SMYD3: variants seen among roughly 807,000 people sequenced by gnomAD.
SMYD3 encodes SET and MYND domain containing 3, also known as histone-lysine N-methyltransferase SMYD3.
In SMYD3, 36 loss-of-function variants were observed where a neutral mutation model predicts 57.7. The observed-to-expected ratio is 0.62, with a 90% CI of 0.48 to 0.82. The LOEUF (loss-of-function observed/expected upper bound fraction) is 0.82, where lower values mean the gene tolerates loss of function less well. SMYD3 is among the 40% of genes least tolerant of loss of function. The pLI is 0.00. For synonymous variants in SMYD3, 211 were observed against 195.0 expected (o/e 1.08, Z -0.68); for missense variants, 515 against 538.8 (o/e 0.96, Z 0.44).
chr1:246,158,841 G>A (rs1240236393), intron 5 of SMYD3, among the ~76,000 whole-genome samples: 2 of 152,126 alleles, frequency 1.3e-5, no homozygotes, highest in Non-Finnish European at 2.9e-5. Context: ...CATTTACTGA[G>A]CACCTGCTTT....
intron 5 of SMYD3, among the ~76,000 whole-genome samples, chr1:246,049,193 C>T (rs758292294): frequency 2.0e-5 from 3 of 146,872 alleles, no homozygotes; most frequent in Non-Finnish European, 4.5e-5. Context: ...AGTATCCTGA[C>T]AATAAACGAC....
chr1:246,319,382 C>T (rs532842746), intron 5 of SMYD3, among the ~76,000 whole-genome samples: 16 of 152,152 alleles, frequency 1.1e-4, no homozygotes, highest in Non-Finnish European at 1.3e-4. Flanking sequence ...TGTGCCTGCT[C>T]GCTTTTAGTG....
chr1:245,844,041 G>A (rs531415258), intron 10 of SMYD3, among the ~76,000 whole-genome samples: 248 of 152,218 alleles, frequency 1.6e-3, no homozygotes, highest in African/African-American at 5.8e-3. Context: ...CTAATTTGCT[G>A]GCATGAAATG....
intron 1 of SMYD3, among the ~76,000 whole-genome samples, chr1:246,370,840 A>G (rs752357945): frequency 3.3e-5 from 5 of 152,230 alleles, no homozygotes; most frequent in Non-Finnish European, 5.9e-5. Context: ...ATGTAGCCAG[A>G]CTACTTGGCT....
chr1:246,367,706 A>G (rs1353129279), intron 1 of SMYD3, among the ~76,000 whole-genome samples: 1 of 152,208 alleles, frequency 6.6e-6, no homozygotes, highest in Non-Finnish European at 1.5e-5. Flanking sequence ...TGCTGAGATT[A>G]CAGGCGTGAG....
At chr1:246,034,107 C>G (rs2059728050) in intron 5 of SMYD3, among the ~76,000 whole-genome samples, 1 of 152,094 alleles carries the variant, frequency 6.6e-6, no homozygotes, top group Non-Finnish European at 1.5e-5. Context: ...TTGGCAATAA[C>G]AGAAGCTCAT....
At chr1:245,944,416 C>T (rs1057015337) in intron 5 of SMYD3, among the ~76,000 whole-genome samples, 2 of 152,124 alleles carry the variant, frequency 1.3e-5, no homozygotes, top group African/African-American at 2.4e-5. Context: ...AATAAAATAC[C>T]TAGGAATACA....
At chr1:246,164,110 C>T (rs867442578) in intron 5 of SMYD3, among the ~76,000 whole-genome samples, 2 of 152,146 alleles carry the variant, frequency 1.3e-5, no homozygotes, top group South Asian at 2.1e-4. Context: ...TGGTTTCTCC[C>T]AACTTGAAAA....
At chr1:245,868,074 A>G (rs962508645) in intron 8 of SMYD3, among the ~76,000 whole-genome samples, 20 of 152,234 alleles carry the variant, frequency 1.3e-4, no homozygotes, top group African/African-American at 4.8e-4. Context: ...CTGAATGTCT[A>G]TAGCATGGAT....
chr1:246,105,585 G>C (rs778339398), intron 5 of SMYD3, among the ~76,000 whole-genome samples: 1 of 152,176 alleles, frequency 6.6e-6, no homozygotes, highest in Admixed American at 6.5e-5. Flanking sequence ...AATTTGGAAA[G>C]AAAGACTAAA....
At chr1:246,259,699 G>A (rs1044378824) in intron 5 of SMYD3, among the ~76,000 whole-genome samples, 1 of 152,338 alleles carries the variant, frequency 6.6e-6, no homozygotes, top group African/African-American at 2.4e-5. Context: ...AGAATGCATA[G>A]TGGTCTGAGC....
rs115495379 is a variant in SMYD3, at chr1:246,159,022, C to T, written c.531+168179G>A. Among the ~76,000 whole-genome samples the T allele has an allele frequency of 9.5e-3, 1,440 of 152,054 alleles. 26 individuals carry two copies. The highest frequency in any genetic ancestry group is 0.032 in the African/African-American group (1,327 of 41,434). ...TGTGGCGACAATAAAACAGAATACA[C>T]CACGAGCGTGTGGAAGAAGAGCTAC... On this transcript the variant is annotated intron_variant, in intron 5 of 11. Coordinates refer to ENST00000490107, the MANE Select transcript of SMYD3 (RefSeq NM_001167740.2).
intron 5 of SMYD3, among the ~76,000 whole-genome samples, chr1:246,170,782 G>A (rs1397905381): frequency 1.3e-5 from 2 of 152,112 alleles, no homozygotes; most frequent in Admixed American, 6.5e-5. Flanking sequence ...AGACTGACAC[G>A]TTATAATGCT....
At chr1:245,971,031 A>T (rs1248847266) in intron 5 of SMYD3, among the ~76,000 whole-genome samples, 2 of 152,196 alleles carry the variant, frequency 1.3e-5, no homozygotes, top group African/African-American at 4.8e-5. Context: ...ACAATAGCAA[A>T]GACTTGCAAC....
At chr1:246,217,073 G>T (rs917701001) in intron 5 of SMYD3, among the ~76,000 whole-genome samples, 1 of 152,118 alleles carries the variant, frequency 6.6e-6, no homozygotes, top group Non-Finnish European at 1.5e-5. Context: ...GACAGAGGGG[G>T]ATAATTTTTT....
rs570160404 is a variant in SMYD3 at position 246,147,814 on chromosome 1, G to A, written c.531+179387C>T. Among the ~76,000 whole-genome samples, 144 of 152,216 alleles carry A rather than the reference G, an allele frequency of 9.5e-4. 1 individual carries two copies. Among genetic ancestry groups the A allele is most frequent in the African/African-American group, 3.1e-3 (128 of 41,568 alleles). On this transcript the variant is annotated intron_variant, in intron 5 of 11. Coordinates refer to ENST00000490107, the MANE Select transcript of SMYD3 (RefSeq NM_001167740.2). The stretch of plus-strand genomic sequence containing the variant: ...GAGCAGGCAGGAGCCAGGGACAAGA[G>A]GGAGCCCCACCTTTACTGAGTTGGT...
intron 10 of SMYD3, among the ~76,000 whole-genome samples, chr1:245,771,322 C>T (rs1043333914): frequency 2.6e-5 from 4 of 152,098 alleles, no homozygotes; most frequent in Non-Finnish European, 5.9e-5. Flanking sequence ...ATTACTGAAG[C>T]TGGATGATAG....
intron 8 of SMYD3, among the ~76,000 whole-genome samples, chr1:245,867,871 C>T (rs533731286): frequency 2.0e-5 from 3 of 152,276 alleles, no homozygotes; most frequent in East Asian, 1.9e-4. Context: ...AGGGCAAGTG[C>T]GGACGCAGAA....
Position 246,264,502 on chromosome 1 carries a change from G to A in SMYD3, c.531+62699C>T, listed in dbSNP as rs188631284. ...CTGCATCTTAGAACTGATGAAAGAC[G>A]GTAACTTTTCTATATTTTTTCAATA... On this transcript the variant is annotated intron_variant, in intron 5 of 11. Transcript: ENST00000490107. Among the ~76,000 whole-genome samples the A allele has an allele frequency of 1.6e-3, 246 of 152,208 alleles. 3 individuals are homozygous for A. The highest frequency in any genetic ancestry group is 1.5e-3 in the Non-Finnish European group (101 of 68,024).
Sources: allele counts gnomAD v4.1 joint callset (sites outside exome capture counted in the v4.1 genomes callset), GRCh38; gene constraint gnomAD v4.1.1; transcripts MANE v1.5; gene names NCBI Gene and HGNC (gene_info 2026-07-23, HGNC 2026-07-21).